The following ZNF516 variants were observed in gnomAD, a reference collection of about 807,000 sequenced individuals.
ZNF516 encodes the protein zinc finger protein 516.
In ZNF516, 19 loss-of-function variants were observed where a neutral mutation model predicts 79.7. That is an observed-to-expected ratio of 0.24 (90% CI 0.17 to 0.35). The LOEUF is 0.35. Ranked by LOEUF, ZNF516 falls within the 10% of genes least tolerant of loss-of-function variation. The probability of loss-of-function intolerance (pLI) is 1.00; values close to 1 mark genes in which losing one functional copy is unlikely to be tolerated. For synonymous variants in ZNF516, 877 were observed against 739.5 expected (o/e 1.19, Z -3.02); for missense variants, 1,678 against 1,679.5 (o/e 1.00, Z 0.02).
At chr18:76,455,959 A>C (rs550189371) in intron 2 of ZNF516, among the ~76,000 whole-genome samples, 31 of 152,316 alleles carry the variant, frequency 2.0e-4, no homozygotes, top group African/African-American at 6.7e-4. Flanking sequence ...ACAGCCAGAG[A>C]GACCATTGTT....
intron 2 of ZNF516, among the ~76,000 whole-genome samples, chr18:76,448,110 C>A (rs1912171162): frequency 6.6e-6 from 1 of 152,088 alleles, no homozygotes; most frequent in Non-Finnish European, 1.5e-5. Flanking sequence ...AGGGGAGAGT[C>A]TGAAGAAAGG....
In ZNF516 at chr18:76,379,109, G is replaced by T. The variant is rs1443569975; in HGVS notation, c.3005C>A (p.Pro1002His). ...CAGCTCCTGGGCTGCCTTCGAGGGG[G>T]GCTCGCGGGGAGGTAGAGGAGGAGC... ...GGAPPLPPRE[P>H]PSKAAQELRT... is the part of the protein sequence containing the mutation. Residue 1002 changes from proline to histidine, a missense_variant, in exon 4 of 7, where the codon CCC (proline) becomes CAC (histidine). Pro to His is a moderately conservative substitution (Grantham distance 77). This residue lies in a region of ZNF516 where 1,294 missense variants were observed against 1,248.3 expected (regional missense o/e 1.04). Coordinates refer to ENST00000443185, the MANE Select transcript of ZNF516 (RefSeq NM_014643.4). 1 of 1,611,700 alleles carries T rather than the reference G, an allele frequency of 6.2e-7. No individual in the cohort carries two copies. The highest frequency in any genetic ancestry group is 1.3e-5 in the African/African-American group (1 of 74,904).
At chr18:76,492,833 G>T in intron 1 of ZNF516, 1 of 985,954 alleles carries the variant, frequency 1.0e-6, no homozygotes, top group Non-Finnish European at 1.2e-6. Context: ...CTCCGTGGGG[G>T]CTGCTGCGTG....
At chr18:76,462,109 T>TGCCACAGAAGCGTGTTTCC (rs1414079150) in intron 2 of ZNF516, among the ~76,000 whole-genome samples, 2 of 152,232 alleles carry the variant, frequency 1.3e-5, no homozygotes, top group Admixed American at 6.5e-5. Context: ...AAAGTGTTTC[T>TGCCACAGAAGCGTGTTTCC]GCCACAGAAG....
upstream of ZNF516, chr18:76,496,255 G>A (rs1019759658): frequency 1.8e-5 from 23 of 1,281,668 alleles, no homozygotes; most frequent in African/African-American, 3.4e-4. Flanking sequence ...CCTGCGGAGG[G>A]GTAACACTAT....
intron 6 of ZNF516, among the ~76,000 whole-genome samples, chr18:76,368,341 C>T (rs1165661650): frequency 6.6e-6 from 1 of 152,022 alleles, no homozygotes. Context: ...CTCTGCAGAG[C>T]ATTCAGTGAT....
intron 3 of ZNF516, among the ~76,000 whole-genome samples, chr18:76,391,566 C>T (rs1056040221): frequency 7.9e-5 from 12 of 152,194 alleles, no homozygotes; most frequent in African/African-American, 2.2e-4. Context: ...CTCCCTCTGT[C>T]GCTGTGGACT....
chr18:76,485,486 T>C (rs11659417), intron 1 of ZNF516, among the ~76,000 whole-genome samples: 13,142 of 152,208 alleles, frequency 0.086, 711 homozygotes, highest in Middle Eastern at 0.2. Flanking sequence ...GGGACACACG[T>C]GTGGATGAAT....
intron 3 of ZNF516, among the ~76,000 whole-genome samples, chr18:76,434,419 T>C (rs577320242): frequency 2.4e-4 from 37 of 152,302 alleles, no homozygotes; most frequent in African/African-American, 7.9e-4. Context: ...AAGTTTAGCA[T>C]ATGAGGCAAA....
intron 3 of ZNF516, among the ~76,000 whole-genome samples, chr18:76,406,420 C>T (rs149976611): frequency 9.4e-4 from 143 of 152,188 alleles, no homozygotes; most frequent in Non-Finnish European, 1.6e-3. Context: ...AAAAATTAGC[C>T]GAGCATGGTG....
intron 5 of ZNF516, 106 bp from the exon 6 acceptor site, chr18:76,370,701 C>T (rs564076654): frequency 4.9e-5 from 44 of 903,424 alleles, no homozygotes; most frequent in African/African-American, 4.7e-4. Flanking sequence ...AAGACACCAG[C>T]GCCTAGCCTG....
At chr18:76,415,196 G>A (rs764809960) in intron 3 of ZNF516, among the ~76,000 whole-genome samples, 18 of 151,848 alleles carry the variant, frequency 1.2e-4, no homozygotes, top group Non-Finnish European at 2.5e-4. Flanking sequence ...GCAAGACTCC[G>A]TCTCAAAAAA....
Position 76,492,855 on chromosome 18 carries a change from G to A in ZNF516, c.-272+2289C>T, listed in dbSNP as rs916649310. 10 of 985,776 alleles carry A rather than the reference G, an allele frequency of 1.0e-5. No homozygotes were observed. In the South Asian group the frequency reaches 1.4e-4, roughly 14 times the overall value. The allele number at this position is 985,776 out of a possible 1,614,324, so 61.1% of individuals were successfully genotyped here. On this transcript the variant is annotated intron_variant, in intron 1 of 6. Coordinates refer to ENST00000443185, the MANE Select transcript of ZNF516 (RefSeq NM_014643.4). ...GGGGCTGCTGCGTGCCCATGTAGCC[G>A]AACTGACTCGAATAAAAGCGTGTCC...
At chr18:76,480,529 A>ATTT (rs1555720250) in intron 1 of ZNF516, among the ~76,000 whole-genome samples, 45 of 142,084 alleles carry the variant, frequency 3.2e-4, no homozygotes, top group South Asian at 2.0e-3. Flanking sequence ...ACACACATAT[A>ATTT]TTTTTTTTTT....
In ZNF516 at chr18:76,442,458, C is replaced by G. The variant is rs369320716; in HGVS notation, c.597G>C (p.Pro199=). 1 of 1,605,396 alleles carries G rather than the reference C, an allele frequency of 6.2e-7. No individual in the cohort carries two copies. The highest frequency in any genetic ancestry group is 8.5e-7 in the Non-Finnish European group (1 of 1,179,678). ...LELHVHQAHK[P]FKCRLCSYAT... ...CGTAGCTGCACAGCCTGCACTTGAA[C>G]GGCTTGTGCGCCTGGTGCACGTGCA... The change falls in exon 3 of 7, where the codon CCG becomes CCC. Residue 199 remains proline, a synonymous_variant. Coordinates refer to ENST00000443185, the MANE Select transcript of ZNF516 (RefSeq NM_014643.4).
intron 3 of ZNF516, among the ~76,000 whole-genome samples, chr18:76,418,496 C>T (rs996018350): frequency 5.9e-5 from 9 of 152,048 alleles, no homozygotes; most frequent in East Asian, 1.9e-4. Flanking sequence ...CACTAACATA[C>T]GCTGTAACAC....
chr18:76,478,926 T>A (rs1447270878), intron 1 of ZNF516, among the ~76,000 whole-genome samples: 1 of 152,060 alleles, frequency 6.6e-6, no homozygotes, highest in African/African-American at 2.4e-5. Context: ...CATGGTTGTG[T>A]GCGCCTGTAA....
rs2074536514 is a variant in ZNF516, at chr18:76,361,456, G to A, written c.*1042C>T. On this transcript the variant is annotated 3_prime_UTR_variant, in exon 7 of 7. Coordinates refer to ENST00000443185, the MANE Select transcript of ZNF516 (RefSeq NM_014643.4). ...TCACTCATCCTGTGGAGGTCACCAGGCCCAGGGAGAAAAGACACCCACTTG... is the reference window on the plus strand; with the variant it reads ...TCACTCATCCTGTGGAGGTCACCAGACCCAGGGAGAAAAGACACCCACTTG... 1 of 152,220 alleles carries A rather than the reference G, an allele frequency of 6.6e-6. No individual in the cohort carries two copies. Among genetic ancestry groups the A allele is most frequent in the Non-Finnish European group, 1.5e-5 (1 of 68,060 alleles). 9.4% of individuals were successfully genotyped at this position (152,220 alleles called of 1,614,324 possible). A position where few individuals can be genotyped will look rare whatever the true frequency, so the allele number is the denominator to read the frequency against.
rs556378969 is a variant in ZNF516 at position 76,403,005 on chromosome 18, C to T, written c.1811-22702G>A. On this transcript the variant is annotated intron_variant, in intron 3 of 6. Coordinates refer to ENST00000443185, the MANE Select transcript of ZNF516 (RefSeq NM_014643.4). Reference sequence around the variant, plus strand: ...TGCAAAGGGAGACTGTGCTCACCTGCGCACCTTCCCAGTTGCTGCTGAGCC... The same window carrying T: ...TGCAAAGGGAGACTGTGCTCACCTGTGCACCTTCCCAGTTGCTGCTGAGCC... 3.3e-5 allele frequency among the ~76,000 whole-genome samples: 5 copies of T among 152,302 alleles called. No homozygotes were observed. In the East Asian group the frequency reaches 7.7e-4, roughly 23 times the overall value.
Sources: gnomAD v4.1 joint callset for allele counts (sites outside exome capture counted in the v4.1 genomes callset) on GRCh38, gnomAD v4.1.1 for gene constraint, gnomAD v4.1.1 regional missense constraint, MANE v1.5 for transcripts, NCBI Gene and HGNC (gene_info 2026-07-23, HGNC 2026-07-21) for gene names.